UVRAG: variants seen among roughly 807,000 people sequenced by gnomAD.
UVRAG encodes the protein UV radiation resistance associated, also known as UV radiation resistance-associated gene protein.
Under a neutral mutation model 78.0 loss-of-function variants are expected in UVRAG, and 19 were observed. That is an observed-to-expected ratio of 0.24 (90% CI 0.17 to 0.36). The LOEUF (loss-of-function observed/expected upper bound fraction) is 0.36, where lower values mean the gene tolerates loss of function less well. Among genes scored for constraint, UVRAG ranks in the 10% least tolerant of loss-of-function variants. UVRAG has a pLI of 1.00. For missense variants in UVRAG, 740 were observed against 853.8 expected (o/e 0.87, Z 1.66); for synonymous variants, 323 against 324.6 (o/e 1.00, Z 0.05).
At chr11:75,820,263 C>G (rs1945356508) in intron 1 of UVRAG, among the ~76,000 whole-genome samples, 1 of 152,178 alleles carries the variant, frequency 6.6e-6, no homozygotes, top group Admixed American at 6.5e-5. Context: ...TAGGCATAAG[C>G]CACTACGCCC....
At chr11:75,901,118 G>C (rs1947486518) in intron 5 of UVRAG, among the ~76,000 whole-genome samples, 1 of 152,314 alleles carries the variant, frequency 6.6e-6, no homozygotes. Flanking sequence ...GCCTAGAAGT[G>C]TTATTAATGT....
At chr11:75,913,908 G>T (rs1220112209) in intron 6 of UVRAG, among the ~76,000 whole-genome samples, 2 of 152,188 alleles carry the variant, frequency 1.3e-5, no homozygotes, top group African/African-American at 4.8e-5. Context: ...CTCTTGGGGA[G>T]TTCATATCTA....
At chr11:75,911,826 G>C in intron 5 of UVRAG, 128 bp from the exon 6 acceptor site, 1 of 599,154 alleles carries the variant, frequency 1.7e-6, no homozygotes, top group South Asian at 2.4e-5. Flanking sequence ...TTACTTTTTG[G>C]AATCTCTAAA....
At chr11:75,817,814 T>TG (rs1205665936) in intron 1 of UVRAG, among the ~76,000 whole-genome samples, 5 of 147,282 alleles carry the variant, frequency 3.4e-5, no homozygotes, top group South Asian at 4.3e-4. Context: ...GAGGCTGAGG[T>TG]GGGGGGATCA....
chr11:76,012,306 T>C (rs1280366879), intron 11 of UVRAG, among the ~76,000 whole-genome samples: 1 of 150,588 alleles, frequency 6.6e-6, no homozygotes, highest in Non-Finnish European at 1.5e-5. Context: ...GGAATTACCC[T>C]CAATTTAAAA....
chr11:75,892,358 G>A (rs1947229752), intron 5 of UVRAG: 4 of 985,292 alleles, frequency 4.1e-6, no homozygotes, highest in Non-Finnish European at 4.8e-6. Context: ...ATGGAGTGGG[G>A]CATTTGTCTC....
At position 75,930,930 on chromosome 11, in the gene UVRAG, T is replaced by TCTTTCTTC. The variant is rs1491451331; in HGVS notation, c.593+18898_593+18899insCCTTTCTT. The TCTTTCTTC allele has an allele frequency of 4.2e-5, 5 of 118,944 alleles. No individual in the cohort carries two copies. In the East Asian group the frequency reaches 1.1e-3, roughly 26 times the overall value. The allele number at this position is 118,944 out of a possible 1,614,324, so 7.4% of individuals were successfully genotyped here. A position where few individuals can be genotyped will look rare whatever the true frequency, so the allele number is the denominator to read the frequency against. ...TGGAAAAGGTAAAGTGTCGGGATTT[T>TCTTTCTTC]CTTTCTTTCTTTCTTTCTTTCTTTC... On this transcript the variant is annotated intron_variant, in intron 6 of 14. Coordinates refer to ENST00000356136, the MANE Select transcript of UVRAG (RefSeq NM_003369.4).
At chr11:75,908,833 TTC>T (rs1947675965) in intron 5 of UVRAG, among the ~76,000 whole-genome samples, 1 of 151,680 alleles carries the variant, frequency 6.6e-6, no homozygotes, top group Non-Finnish European at 1.5e-5. Context: ...TTTTGGTAGT[TTC>T]TGTTTCTTCT....
At chr11:76,067,828 G>A (rs944872459) in intron 13 of UVRAG, among the ~76,000 whole-genome samples, 1 of 152,136 alleles carries the variant, frequency 6.6e-6, no homozygotes, top group African/African-American at 2.4e-5. Flanking sequence ...CTCCAGCGAT[G>A]TCAGCCGTGG....
At position 76,141,356 on chromosome 11, in the gene UVRAG, T is replaced by C. The variant is rs757414125; in HGVS notation, c.2043T>C (p.Tyr681=). Residue 681 remains tyrosine, a synonymous_variant, in exon 15 of 15, where the codon TAT becomes TAC. Transcript: ENST00000356136. The part of the protein sequence containing the change: ...GEFEEFSRRI[Y]ALNENVSSFR... The stretch of plus-strand genomic sequence containing the variant: ...TTGAAGAGTTCTCCCGAAGGATCTA[T>C]GCACTGAATGAAAACGTATCCAGCT... 1.7e-5 allele frequency: 28 copies of C among 1,614,078 alleles called. No individual in the cohort carries two copies. In the South Asian group the frequency reaches 2.6e-4, roughly 15 times the overall value.
At chr11:75,879,678 A>C (rs1946895414) in intron 3 of UVRAG, among the ~76,000 whole-genome samples, 1 of 152,238 alleles carries the variant, frequency 6.6e-6, no homozygotes, top group South Asian at 2.1e-4. Flanking sequence ...TAATGACTAT[A>C]ATAAGTAAGC....
chr11:75,978,732 G>T (rs937990051), intron 7 of UVRAG, among the ~76,000 whole-genome samples: 3 of 152,216 alleles, frequency 2.0e-5, no homozygotes, highest in African/African-American at 7.2e-5. Context: ...GTCATTTAAG[G>T]TCTTCTCTAC....
At chr11:76,049,632 C>T (rs1302602182) in intron 12 of UVRAG, among the ~76,000 whole-genome samples, 1 of 152,210 alleles carries the variant, frequency 6.6e-6, no homozygotes, top group Non-Finnish European at 1.5e-5. Flanking sequence ...GTCAGACAGG[C>T]ATGGGTTGGA....
intron 14 of UVRAG, among the ~76,000 whole-genome samples, chr11:76,124,322 A>G (rs1952345706): frequency 6.6e-6 from 1 of 152,250 alleles, no homozygotes; most frequent in Non-Finnish European, 1.5e-5. Flanking sequence ...TTTCCCTGCC[A>G]TTGCTTAGTT....
At chr11:76,017,191 G>A (rs1305039829) in intron 12 of UVRAG, among the ~76,000 whole-genome samples, 1 of 152,000 alleles carries the variant, frequency 6.6e-6, no homozygotes, top group Admixed American at 6.6e-5. Flanking sequence ...TCCAAGAATT[G>A]CTAATGGTGG....
chr11:76,006,266 T>C (rs1163918816), intron 9 of UVRAG, among the ~76,000 whole-genome samples: 1 of 152,098 alleles, frequency 6.6e-6, no homozygotes, highest in Non-Finnish European at 1.5e-5. Context: ...ATCTACAGTT[T>C]CTCCTAAATT....
intron 3 of UVRAG, among the ~76,000 whole-genome samples, chr11:75,879,367 G>A (rs1946888227): frequency 6.6e-6 from 1 of 152,078 alleles, no homozygotes. Context: ...ATTTTAATCT[G>A]GTGAAAGCCC....
chr11:75,835,194 A>G (rs1945750703), intron 1 of UVRAG: 2 of 152,208 alleles, frequency 1.3e-5, no homozygotes, highest in African/African-American at 4.8e-5. Context: ...AACATTAAGG[A>G]TACTTTTTAC....
intron 12 of UVRAG, among the ~76,000 whole-genome samples, chr11:76,056,510 T>C (rs745847533): frequency 1.8e-4 from 28 of 152,226 alleles, no homozygotes; most frequent in Non-Finnish European, 2.1e-4. Context: ...CTTAAGTCTC[T>C]TTTAATCTGA....
Sources: allele counts gnomAD v4.1 joint callset (sites outside exome capture counted in the v4.1 genomes callset), GRCh38; gene constraint gnomAD v4.1.1; transcripts MANE v1.5; gene names NCBI Gene and HGNC (gene_info 2026-07-23, HGNC 2026-07-21).